The following FUT9 variants were observed in gnomAD, a reference collection of about 807,000 sequenced individuals.
The protein encoded by FUT9 is fucosyltransferase 9.
Under a neutral mutation model 29.7 loss-of-function variants are expected in FUT9, and 15 were observed. The observed-to-expected ratio is 0.51, with a 90% CI of 0.34 to 0.78. FUT9 has a LOEUF of 0.78. Ranked by LOEUF, FUT9 falls within the 30% of genes least tolerant of loss-of-function variation. The pLI is 0.01. For missense variants in FUT9, 319 were observed against 425.4 expected (o/e 0.75, Z 2.20); for synonymous variants, 169 against 153.7 (o/e 1.10, Z -0.74).
At chr6:96,091,462 C>A (rs891324651) in intron 1 of FUT9, among the ~76,000 whole-genome samples, 1 of 152,004 alleles carries the variant, frequency 6.6e-6, no homozygotes, top group Non-Finnish European at 1.5e-5. Flanking sequence ...TAAAAGAAAT[C>A]AGTTTTATCT....
At chr6:96,169,305 A>G (rs1773070109) in intron 2 of FUT9, among the ~76,000 whole-genome samples, 1 of 152,242 alleles carries the variant, frequency 6.6e-6, no homozygotes, top group South Asian at 2.1e-4. Flanking sequence ...TCATTTCCCA[A>G]TTAAATACAG....
chr6:96,153,627 A>T (rs1040505411), intron 2 of FUT9, among the ~76,000 whole-genome samples: 2 of 152,170 alleles, frequency 1.3e-5, no homozygotes, highest in Non-Finnish European at 2.9e-5. Flanking sequence ...TAAGTCTCAG[A>T]CCTTTACAAA....
intron 1 of FUT9, among the ~76,000 whole-genome samples, chr6:96,070,497 G>A (rs989513499): frequency 2.0e-5 from 3 of 151,976 alleles, no homozygotes; most frequent in African/African-American, 7.2e-5. Context: ...ACCAGCCTGG[G>A]CAACACGGGG....
At chr6:96,141,241 C>A (rs1466120750) in intron 2 of FUT9, among the ~76,000 whole-genome samples, 2 of 152,056 alleles carry the variant, frequency 1.3e-5, no homozygotes, top group African/African-American at 4.8e-5. Flanking sequence ...ATGATAAAAT[C>A]TAGACAGAAT....
In FUT9 at chr6:96,208,220, T is replaced by A. The variant is rs959873214; in HGVS notation, c.*3985T>A. ...GAAACTATGCCTCTGATATTTTTTT[T>A]GTCAGCCTATTTTTAAACTAGATTC... On this transcript the variant is annotated 3_prime_UTR_variant, in exon 3 of 3. Transcript: ENST00000302103. 1.2e-5 allele frequency: 2 copies of A among 162,802 alleles called. No homozygotes were observed. The highest frequency in any genetic ancestry group is 3.0e-5 in the Non-Finnish European group (2 of 66,480). The allele number at this position is 162,802 out of a possible 1,614,324, so 10.1% of individuals were successfully genotyped here. A position where few individuals can be genotyped will look rare whatever the true frequency, so the allele number is the denominator to read the frequency against.
chr6:96,196,407 G>T (rs1055679152), intron 2 of FUT9, among the ~76,000 whole-genome samples: 1 of 152,002 alleles, frequency 6.6e-6, no homozygotes, highest in Admixed American at 6.6e-5. Flanking sequence ...AAAATGATCT[G>T]ACCTAATAAT....
intron 1 of FUT9, among the ~76,000 whole-genome samples, chr6:96,045,657 T>C (rs773649745): frequency 1.3e-5 from 2 of 152,216 alleles, no homozygotes; most frequent in Non-Finnish European, 2.9e-5. Flanking sequence ...GAGTAGCCCC[T>C]GCATGTGACT....
rs1393459788 is a variant in FUT9, at chr6:96,212,014, T to C, written c.*7779T>C. The C allele has an allele frequency of 2.4e-6, 1 of 411,728 alleles. No homozygotes were observed. The allele number at this position is 411,728 out of a possible 1,614,324, so 25.5% of individuals were successfully genotyped here. A position where few individuals can be genotyped will look rare whatever the true frequency, so the allele number is the denominator to read the frequency against. ...TCTGAAAAATTTTAAGGGCCAATTC[T>C]ACAGAAAGTTATGCTAACATGCTAA... On this transcript the variant is annotated 3_prime_UTR_variant, in exon 3 of 3. Coordinates refer to ENST00000302103, the MANE Select transcript of FUT9 (RefSeq NM_006581.4).
intron 1 of FUT9, among the ~76,000 whole-genome samples, chr6:96,092,333 A>G (rs1402047424): frequency 6.6e-6 from 1 of 152,162 alleles, no homozygotes; most frequent in Non-Finnish European, 1.5e-5. Context: ...CTTGTGTGAA[A>G]TTCAAAAATA....
chr6:96,172,873 A>G (rs1024201985), intron 2 of FUT9, among the ~76,000 whole-genome samples: 26 of 152,294 alleles, frequency 1.7e-4, no homozygotes, highest in Non-Finnish European at 2.2e-4. Flanking sequence ...TAAGAGAGCC[A>G]TGTACAAACA....
intron 1 of FUT9, among the ~76,000 whole-genome samples, chr6:96,097,513 G>C (rs1316503268): frequency 6.6e-6 from 1 of 152,012 alleles, no homozygotes; most frequent in Non-Finnish European, 1.5e-5. Context: ...GAATTCATGA[G>C]TAAAATGTAT....
chr6:96,122,219 T>C (rs1371114249), intron 2 of FUT9, among the ~76,000 whole-genome samples: 2 of 152,164 alleles, frequency 1.3e-5, no homozygotes, highest in Non-Finnish European at 2.9e-5. Context: ...GGAACATTTA[T>C]GGTAGTTAAC....
chr6:96,142,441 G>A (rs894130306), intron 2 of FUT9, among the ~76,000 whole-genome samples: 10 of 152,138 alleles, frequency 6.6e-5, no homozygotes, highest in African/African-American at 2.4e-4. Flanking sequence ...GGTGCATCTT[G>A]CCAAAAGTGA....
rs1460913296 is a variant in FUT9, at chr6:96,035,789, A to AC, written c.-98+19577_-98+19578insC. ...AATTAAAATATAATATAATTTATTTATTATACTAATATAATATAATACATA... is the reference window on the plus strand; with the variant it reads ...AATTAAAATATAATATAATTTATTTACTTATACTAATATAATATAATACATA... On this transcript the variant is annotated intron_variant, in intron 1 of 2. Transcript: ENST00000302103. Among the ~76,000 whole-genome samples the AC allele has an allele frequency of 3.4e-3, 374 of 111,616 alleles. 1 individual carries two copies. Among genetic ancestry groups the AC allele is most frequent in the African/African-American group, 0.011 (362 of 31,732 alleles). 73.2% of individuals were successfully genotyped at this position (111,616 alleles called of 152,430 possible).
At chr6:96,048,389 G>A (rs74483519) in intron 1 of FUT9, among the ~76,000 whole-genome samples, 3,453 of 152,266 alleles carry the variant, frequency 0.023, 66 homozygotes, top group East Asian at 0.092. Flanking sequence ...TGATGAAAAT[G>A]AGCAGTAACA....
rs146851289 is a variant in FUT9, at chr6:96,214,442, G to A, written c.*10207G>A. On this transcript the variant is annotated 3_prime_UTR_variant, in exon 3 of 3. Coordinates refer to ENST00000302103, the MANE Select transcript of FUT9 (RefSeq NM_006581.4). Reference sequence around the variant, plus strand: ...GTAATCACTAGGGGAAGAAAAAGTAGGCCTACCCTTTTACTTATTAACTTA... The same window carrying A: ...GTAATCACTAGGGGAAGAAAAAGTAAGCCTACCCTTTTACTTATTAACTTA... The A allele has an allele frequency of 3.1e-4, 51 of 166,992 alleles. No homozygotes were observed. Among genetic ancestry groups the A allele is most frequent in the African/African-American group, 1.2e-3 (49 of 41,516 alleles). The allele number at this position is 166,992 out of a possible 1,614,324, so 10.3% of individuals were successfully genotyped here.
At chr6:96,178,966 T>C (rs1282288020) in intron 2 of FUT9, among the ~76,000 whole-genome samples, 1 of 151,872 alleles carries the variant, frequency 6.6e-6, no homozygotes, top group East Asian at 1.9e-4. Context: ...AGTTATCAAC[T>C]ACAAAAAAAA....
At chr6:96,149,450 T>A (rs531200705) in intron 2 of FUT9, among the ~76,000 whole-genome samples, 1 of 152,320 alleles carries the variant, frequency 6.6e-6, no homozygotes, top group Non-Finnish European at 1.5e-5. Context: ...GAGTGAATAA[T>A]TTTAAAACCT....
Position 96,211,983 on chromosome 6 carries a change from A to G in FUT9, c.*7748A>G. 7.3e-6 allele frequency: 3 copies of G among 410,304 alleles called. No individual in the cohort carries two copies. The highest frequency in any genetic ancestry group is 8.9e-6 in the Non-Finnish European group (2 of 224,356). The allele number at this position is 410,304 out of a possible 1,614,324, so 25.4% of individuals were successfully genotyped here. ...ATTTTATTGTGGAAAACAAATATAG[A>G]TTTTATCTGAAAAATTTTAAGGGCC... On this transcript the variant is annotated 3_prime_UTR_variant, in exon 3 of 3. Coordinates refer to ENST00000302103, the MANE Select transcript of FUT9 (RefSeq NM_006581.4).
Sources: allele counts gnomAD v4.1 joint callset (sites outside exome capture counted in the v4.1 genomes callset), GRCh38; gene constraint gnomAD v4.1.1; transcripts MANE v1.5; gene names NCBI Gene and HGNC (gene_info 2026-07-23, HGNC 2026-07-21).